The following GOLGA4 variants were observed in gnomAD, a reference collection of about 807,000 sequenced individuals.
GOLGA4 encodes golgin A4, also known as golgin subfamily A member 4.
A neutral mutation model predicts 265.9 loss-of-function variants in GOLGA4; 169 were observed. The observed-to-expected ratio is 0.64, with a 90% CI of 0.56 to 0.72. The LOEUF (loss-of-function observed/expected upper bound fraction) is 0.72, where lower values mean the gene tolerates loss of function less well. Among genes scored for constraint, GOLGA4 ranks in the 30% least tolerant of loss-of-function variants. The pLI is 0.00. For missense variants in GOLGA4, 2,482 were observed against 2,483.4 expected (o/e 1.00, Z 0.01); for synonymous variants, 923 against 855.8 (o/e 1.08, Z -1.37).
At chr3:37,306,606 A>G (rs993009368) in intron 10 of GOLGA4, among the ~76,000 whole-genome samples, 5 of 151,966 alleles carry the variant, frequency 3.3e-5, no homozygotes, top group African/African-American at 9.7e-5. Context: ...AAATTGGAAA[A>G]TAGAGAAAAT....
chr3:37,342,939 G>T (rs1420903205), intron 20 of GOLGA4, among the ~76,000 whole-genome samples: 1 of 152,094 alleles, frequency 6.6e-6, no homozygotes, highest in African/African-American at 2.4e-5. Flanking sequence ...TCGCTCTGTT[G>T]CCCAGGCTGA....
At chr3:37,267,796 A>C (rs1237924165) in intron 2 of GOLGA4, among the ~76,000 whole-genome samples, 2 of 152,244 alleles carry the variant, frequency 1.3e-5, no homozygotes, top group Non-Finnish European at 2.9e-5. Flanking sequence ...TTAACTTATT[A>C]GGTAGCTGGT....
intron 16 of GOLGA4, among the ~76,000 whole-genome samples, chr3:37,332,835 G>GT (rs1170816543): frequency 2.0e-5 from 3 of 151,600 alleles, no homozygotes; most frequent in Non-Finnish European, 2.9e-5. Flanking sequence ...TTTCTATGTC[G>GT]TTTTTTCACT....
Position 37,325,342 on chromosome 3 carries a change from T to A in GOLGA4, c.3456T>A (p.Phe1152Leu), listed in dbSNP as rs2096966938. 1 of 1,612,960 alleles carries A rather than the reference T, an allele frequency of 6.2e-7. No individual in the cohort carries two copies. The highest frequency in any genetic ancestry group is 8.5e-7 in the Non-Finnish European group (1 of 1,179,054). Residue 1152 changes from phenylalanine (F) to leucine (L), a missense_variant, in exon 14 of 24, where the codon TTT becomes TTA. This residue lies in a region of GOLGA4 where 1,536 missense variants were observed against 1,483.7 expected (regional missense o/e 1.04). Transcript: ENST00000361924. ...DLNKSLKENT[F>L]LQEQLVELKM... ...ATAAGTCTCTGAAGGAAAATACTTT[T>A]CTTCAAGAGCAGCTAGTTGAACTGA...
At chr3:37,316,360 G>C (rs942912848) in intron 11 of GOLGA4, among the ~76,000 whole-genome samples, 2 of 152,070 alleles carry the variant, frequency 1.3e-5, no homozygotes, top group Non-Finnish European at 2.9e-5. Flanking sequence ...AATAGATGAG[G>C]CTTGGATTTC....
intron 2 of GOLGA4, among the ~76,000 whole-genome samples, chr3:37,257,337 G>A (rs1367797355): frequency 6.6e-6 from 1 of 152,120 alleles, no homozygotes; most frequent in African/African-American, 2.4e-5. Context: ...ACCTGGAATA[G>A]ACTGGTGAGG....
intron 20 of GOLGA4, among the ~76,000 whole-genome samples, chr3:37,343,182 C>T (rs189836464): frequency 9.2e-5 from 14 of 152,334 alleles, no homozygotes; most frequent in Admixed American, 6.5e-4. Flanking sequence ...AGCGCAATGG[C>T]GCGATCTCAG....
intron 10 of GOLGA4, among the ~76,000 whole-genome samples, chr3:37,313,222 A>G (rs529167785): frequency 3.3e-5 from 5 of 152,256 alleles, no homozygotes; most frequent in East Asian, 1.9e-4. Context: ...AAAAAGATAT[A>G]TGGTTGCCAG....
At chr3:37,262,190 T>C (rs540088771) in intron 2 of GOLGA4, among the ~76,000 whole-genome samples, 1 of 152,190 alleles carries the variant, frequency 6.6e-6, no homozygotes, top group Non-Finnish European at 1.5e-5. Context: ...ACTAGATGGA[T>C]ACGAAAAATA....
chr3:37,337,773 T>G (rs1425476888), intron 19 of GOLGA4, 39 bp downstream of exon 19: 4 of 1,311,726 alleles, frequency 3.0e-6, no homozygotes, highest in Non-Finnish European at 4.4e-6. Context: ...TGAACTAAAG[T>G]TTCGTTAATA....
chr3:37,271,488 A>C (rs1251981970), intron 2 of GOLGA4, among the ~76,000 whole-genome samples: 1 of 152,186 alleles, frequency 6.6e-6, no homozygotes, highest in Non-Finnish European at 1.5e-5. Context: ...ACATATTACA[A>C]AAGTGGAAAT....
chr3:37,362,829 C>T (rs1267071455), intron 23 of GOLGA4, among the ~76,000 whole-genome samples: 2 of 128,620 alleles, frequency 1.6e-5, no homozygotes, highest in Non-Finnish European at 3.2e-5. Context: ...GTCACCCAGG[C>T]TAGAGTGCAG....
intron 10 of GOLGA4, among the ~76,000 whole-genome samples, chr3:37,307,681 A>T (rs1198867200): frequency 2.0e-5 from 3 of 152,142 alleles, no homozygotes; most frequent in African/African-American, 7.2e-5. Context: ...GCCATGTTAG[A>T]TAAATAATAC....
intron 2 of GOLGA4, among the ~76,000 whole-genome samples, chr3:37,281,642 C>T (rs2096834904): frequency 6.6e-6 from 1 of 152,140 alleles, no homozygotes; most frequent in African/African-American, 2.4e-5. Context: ...CACAATACAC[C>T]TGTGAGGTCG....
chr3:37,280,077 G>T (rs866637816), intron 2 of GOLGA4, among the ~76,000 whole-genome samples: 2 of 152,104 alleles, frequency 1.3e-5, no homozygotes, highest in African/African-American at 2.4e-5. Flanking sequence ...GAGACTGAAA[G>T]CTTACCATTG....
At chr3:37,281,243 A>C (rs2096833844) in intron 2 of GOLGA4, among the ~76,000 whole-genome samples, 1 of 152,180 alleles carries the variant, frequency 6.6e-6, no homozygotes, top group South Asian at 2.1e-4. Flanking sequence ...CTAACATTGG[A>C]GTTACTGATT....
intron 3 of GOLGA4, among the ~76,000 whole-genome samples, chr3:37,282,608 T>C (rs1370204493): frequency 6.6e-6 from 1 of 152,198 alleles, no homozygotes; most frequent in South Asian, 2.1e-4. Context: ...CTGGCTCATA[T>C]CCTCTCCTTT....
intron 16 of GOLGA4, among the ~76,000 whole-genome samples, chr3:37,332,995 A>G (rs1406966175): frequency 6.6e-6 from 1 of 152,258 alleles, no homozygotes; most frequent in Non-Finnish European, 1.5e-5. Flanking sequence ...GACTATAAGC[A>G]TCACTCTGGA....
chr3:37,283,675 A>T (rs577289211), intron 3 of GOLGA4, among the ~76,000 whole-genome samples: 1 of 151,832 alleles, frequency 6.6e-6, no homozygotes, highest in Non-Finnish European at 1.5e-5. Context: ...ACAGGCGCAC[A>T]CCACCACACC....
Sources: gnomAD v4.1 joint callset for allele counts (sites outside exome capture counted in the v4.1 genomes callset) on GRCh38, gnomAD v4.1.1 for gene constraint, gnomAD v4.1.1 regional missense constraint, MANE v1.5 for transcripts, NCBI Gene and HGNC (gene_info 2026-07-23, HGNC 2026-07-21) for gene names.